The following YME1L1 variants were observed in gnomAD, a reference collection of about 807,000 sequenced individuals.
YME1L1 encodes ATP-dependent zinc metalloprotease YME1L1.
A neutral mutation model predicts 90.4 loss-of-function variants in YME1L1; 39 were observed. The ratio of observed to expected loss-of-function variants is 0.43; its 90% CI spans 0.33 to 0.56. The LOEUF (loss-of-function observed/expected upper bound fraction) is 0.56, where lower values mean the gene tolerates loss of function less well. Among genes scored for constraint, YME1L1 ranks in the 20% least tolerant of loss-of-function variants. The pLI is 0.03. For synonymous variants in YME1L1, 284 were observed against 287.3 expected (o/e 0.99, Z 0.12); for missense variants, 617 against 868.4 (o/e 0.71, Z 3.64).
At chr10:27,150,879 C>T (rs2057205122) in intron 1 of YME1L1, among the ~76,000 whole-genome samples, 1 of 150,872 alleles carries the variant, frequency 6.6e-6, no homozygotes, top group Non-Finnish European at 1.5e-5. Flanking sequence ...TACTCCTTTA[C>T]CTTCTTAATA....
At chr10:27,147,395 T>A (rs1310182988) in intron 2 of YME1L1, 6 of 1,590,040 alleles carry the variant, frequency 3.8e-6, no homozygotes, top group Non-Finnish European at 4.3e-6. Flanking sequence ...AGAAGGCTGA[T>A]GGAACAAGTG....
intron 1 of YME1L1, among the ~76,000 whole-genome samples, chr10:27,152,427 C>T (rs537084679): frequency 6.6e-6 from 1 of 152,232 alleles, no homozygotes; most frequent in East Asian, 1.9e-4. Flanking sequence ...CCTGAGAGTC[C>T]TCACTATATT....
In YME1L1 at chr10:27,122,821, A is replaced by G. The variant is rs1461369963; in HGVS notation, c.1235+20T>C. 2.4e-5 allele frequency: 38 copies of G among 1,611,962 alleles called. No homozygotes were observed. The highest frequency in any genetic ancestry group is 2.7e-5 in the Non-Finnish European group (32 of 1,179,418). ...CTGGGAGGCATCACCATATTCTAAGAAAAAAGAAGACTCAATTACCCATCC... is the reference window on the plus strand; with the variant it reads ...CTGGGAGGCATCACCATATTCTAAGGAAAAAGAAGACTCAATTACCCATCC... On this transcript the variant is annotated intron_variant, in intron 11 of 18. Coordinates refer to ENST00000376016, the MANE Select transcript of YME1L1 (RefSeq NM_014263.4).
intron 9 of YME1L1, among the ~76,000 whole-genome samples, chr10:27,125,178 G>A (rs2056904312): frequency 6.6e-6 from 1 of 151,978 alleles, no homozygotes; most frequent in African/African-American, 2.4e-5. Flanking sequence ...GCAAAGCCTT[G>A]AATTAAGATG....
intron 1 of YME1L1, among the ~76,000 whole-genome samples, chr10:27,152,629 T>C (rs1426795172): frequency 1.3e-5 from 2 of 152,206 alleles, no homozygotes; most frequent in Non-Finnish European, 2.9e-5. Context: ...AGACTTCTTT[T>C]TCAAACAATT....
chr10:27,128,461 G>T (rs148333142), intron 8 of YME1L1, among the ~76,000 whole-genome samples: 1 of 152,158 alleles, frequency 6.6e-6, no homozygotes, highest in African/African-American at 2.4e-5. Flanking sequence ...CAGGACAGGC[G>T]TGGTGGCTCA....
At position 27,112,113 on chromosome 10, in the gene YME1L1, T is replaced by C. The variant is rs2056764653; in HGVS notation, c.2015A>G (p.Tyr672Cys). The C allele has an allele frequency of 1.2e-6, 2 of 1,612,562 alleles. No individual in the cohort carries two copies. The highest frequency in any genetic ancestry group is 1.7e-5 in the Admixed American group (1 of 59,696). The change falls in exon 19 of 19, where the codon TAT (tyrosine) becomes TGT (cysteine). Residue 672 changes from tyrosine to cysteine, a missense_variant. Around this residue, in one of 4 missense-constraint regions of YME1L1, gnomAD observed 212 missense variants for 330.0 expected, o/e 0.64. Transcript: ENST00000376016. ...TTTCAAGATATGTTTTGCTCGTTCA[T>C]ATGAGTCCTGAAACAGAAAAGGAGA... ...QEIRILLRDSYERAKHILKTH... is the reference protein window; with the variant it reads ...QEIRILLRDSCERAKHILKTH...
intron 13 of YME1L1, 111 bp from the exon 14 acceptor site, chr10:27,119,560 G>C: frequency 8.2e-7 from 1 of 1,221,292 alleles, no homozygotes; most frequent in South Asian, 1.6e-5. Flanking sequence ...TGTAATCCCA[G>C]CACTTTGGGA....
chr10:27,149,182 T>G, intron 1 of YME1L1, 142 bp from the exon 2 acceptor site: 1 of 691,486 alleles, frequency 1.4e-6, no homozygotes, highest in Non-Finnish European at 2.3e-6. Flanking sequence ...TACTCAGATT[T>G]ACTGCTGGTG....
At chr10:27,148,191 A>C (rs1390368576) in intron 2 of YME1L1, among the ~76,000 whole-genome samples, 5 of 146,032 alleles carry the variant, frequency 3.4e-5, no homozygotes, top group Non-Finnish European at 7.5e-5. Flanking sequence ...AAATGAGATT[A>C]CATTTTTATA....
rs1175815608 is a variant in YME1L1 at position 27,112,202 on chromosome 10, T to C, written c.2008-82A>G. ...TCAATGGGAAGAGAAAGAAAAACTT[T>C]ATGTACCCTAAAAAATATGAAATCT... is the stretch of plus-strand genomic sequence containing the variant. On this transcript the variant is annotated intron_variant, in intron 18 of 18. Coordinates refer to ENST00000376016, the MANE Select transcript of YME1L1 (RefSeq NM_014263.4). 4.9e-6 allele frequency: 6 copies of C among 1,226,700 alleles called. No individual in the cohort carries two copies. In the East Asian group the frequency reaches 7.2e-5, roughly 15 times the overall value. The allele number at this position is 1,226,700 out of a possible 1,614,324, so 76.0% of individuals were successfully genotyped here. A position where few individuals can be genotyped will look rare whatever the true frequency, so the allele number is the denominator to read the frequency against.
intron 4 of YME1L1, 82 bp downstream of exon 4, chr10:27,142,305 A>G (rs1259457283): frequency 2.5e-6 from 2 of 797,120 alleles, no homozygotes; most frequent in Non-Finnish European, 3.7e-6. Context: ...GAATGTTTAG[A>G]ATTAATACCA....
At chr10:27,112,224 ATC>A (rs1205072588) in intron 18 of YME1L1, 104 bp from the exon 19 acceptor site, 8 of 963,538 alleles carry the variant, frequency 8.3e-6, no homozygotes, top group South Asian at 1.7e-5. Context: ...AAAATATGAA[ATC>A]TGTTTATATT....
chr10:27,124,896 G>A (rs1481928709), intron 9 of YME1L1, among the ~76,000 whole-genome samples: 3 of 152,206 alleles, frequency 2.0e-5, no homozygotes, highest in South Asian at 2.1e-4. Flanking sequence ...CACCACATAA[G>A]CCATCACTTG....
At chr10:27,144,268 G>A (rs1045596773) in intron 3 of YME1L1, among the ~76,000 whole-genome samples, 1 of 152,110 alleles carries the variant, frequency 6.6e-6, no homozygotes, top group African/African-American at 2.4e-5. Flanking sequence ...TTTATAAGAA[G>A]GCAACTTTAG....
chr10:27,146,630 A>C (rs1345871413), intron 2 of YME1L1: 1 of 152,122 alleles, frequency 6.6e-6, no homozygotes, highest in Admixed American at 6.5e-5. Context: ...TACTCAGGAG[A>C]AATGTTTGAG....
chr10:27,121,806 G>A lies in YME1L1; in HGVS notation c.1236-358C>T, dbSNP rs1755402. ...GTCACCCAGGTTGGAGTTCAATGGT[G>A]CTCACTGCAACCTCCATCTCCCAGG... On this transcript the variant is annotated intron_variant, in intron 11 of 18. Transcript: ENST00000376016. 6.7e-3 allele frequency among the ~76,000 whole-genome samples: 999 copies of A among 149,246 alleles called. 11 individuals carry two copies. Among genetic ancestry groups the A allele is most frequent in the African/African-American group, 0.023 (947 of 40,496 alleles).
intron 18 of YME1L1, among the ~76,000 whole-genome samples, chr10:27,113,039 T>C (rs958340461): frequency 7.9e-5 from 12 of 151,288 alleles, no homozygotes; most frequent in African/African-American, 2.2e-4. Flanking sequence ...CTGGGTAACA[T>C]AGTGAAATGC....
chr10:27,127,321 G>C (rs537357201), intron 8 of YME1L1, among the ~76,000 whole-genome samples: 78 of 152,120 alleles, frequency 5.1e-4, no homozygotes, highest in African/African-American at 1.7e-3. Flanking sequence ...TCAAGTTAAT[G>C]GTTAAAAACA....
Sources: gnomAD v4.1 joint callset for allele counts (sites outside exome capture counted in the v4.1 genomes callset) on GRCh38, gnomAD v4.1.1 for gene constraint, gnomAD v4.1.1 regional missense constraint, MANE v1.5 for transcripts, NCBI Gene and HGNC (gene_info 2026-07-23, HGNC 2026-07-21) for gene names.